Variants in PRKCA observed in about 807,000 individuals in gnomAD.
PRKCA encodes protein kinase C alpha type.
PRKCA carries 27 observed loss-of-function variants against 87.0 expected under a neutral mutation model. The ratio of observed to expected loss-of-function variants is 0.31; its 90% CI spans 0.23 to 0.43. The LOEUF is 0.43. PRKCA is among the 20% of genes least tolerant of loss of function. The probability of loss-of-function intolerance (pLI) is 1.00; values close to 1 mark genes in which losing one functional copy is unlikely to be tolerated. For missense variants in PRKCA, 518 were observed against 852.3 expected (o/e 0.61, Z 4.88); for synonymous variants, 329 against 311.1 (o/e 1.06, Z -0.61).
rs781227674 is a variant in PRKCA, at chr17:66,564,012, TTC to T, written c.288+67739_288+67740del. ...CTTCCTTCCTTCCTTCCTCCTTTCT[TTC>T]TCTCTCTCTTTCTTTCTTCCTCTCT... is the stretch of plus-strand genomic sequence containing the variant. On this transcript the variant is annotated intron_variant, in intron 3 of 16. Transcript: ENST00000413366. Among the ~76,000 whole-genome samples the T allele has an allele frequency of 3.9e-4, 58 of 146,878 alleles. 1 individual carries two copies. In the East Asian group the frequency reaches 5.2e-3, roughly 13 times the overall value.
chr17:66,475,872 T>G (rs1915514394), intron 2 of PRKCA, among the ~76,000 whole-genome samples: 1 of 152,102 alleles, frequency 6.6e-6, no homozygotes, highest in Non-Finnish European at 1.5e-5. Context: ...TTTTAAATAC[T>G]ATTATACCTG....
chr17:66,786,771 T>C, intron 14 of PRKCA, 96 bp from the exon 15 acceptor site: 1 of 899,738 alleles, frequency 1.1e-6, no homozygotes, highest in Non-Finnish European at 1.7e-6. Flanking sequence ...CTGAGAAACC[T>C]GGTCTGTTCC....
chr17:66,335,620 G>A (rs1009998104), intron 2 of PRKCA, among the ~76,000 whole-genome samples: 1 of 151,752 alleles, frequency 6.6e-6, no homozygotes, highest in African/African-American at 2.4e-5. Context: ...GCTTAAAAAT[G>A]GTTAAAATAT....
At chr17:66,503,253 G>A (rs1916826232) in intron 3 of PRKCA, among the ~76,000 whole-genome samples, 1 of 152,110 alleles carries the variant, frequency 6.6e-6, no homozygotes, top group Non-Finnish European at 1.5e-5. Context: ...CTTCTCTGGG[G>A]AGAAACTTTT....
At chr17:66,407,108 G>C (rs931276476) in intron 2 of PRKCA, among the ~76,000 whole-genome samples, 3 of 151,896 alleles carry the variant, frequency 2.0e-5, no homozygotes, top group African/African-American at 7.2e-5. Flanking sequence ...CCTTGTTGAA[G>C]TATGAGTAAA....
intron 3 of PRKCA, among the ~76,000 whole-genome samples, chr17:66,602,838 G>A (rs1004010566): frequency 2.0e-5 from 3 of 152,070 alleles, no homozygotes; most frequent in Non-Finnish European, 4.4e-5. Context: ...TGTGCGCTGT[G>A]GGGGAGCCAT....
intron 13 of PRKCA, among the ~76,000 whole-genome samples, chr17:66,766,996 C>T (rs1381870711): frequency 1.3e-5 from 2 of 152,048 alleles, no homozygotes; most frequent in South Asian, 4.1e-4. Flanking sequence ...TCTTAATCCT[C>T]TGGGCCCTTT....
chr17:66,644,455 A>G (rs1971397855), intron 4 of PRKCA, among the ~76,000 whole-genome samples: 1 of 152,066 alleles, frequency 6.6e-6, no homozygotes, highest in Non-Finnish European at 1.5e-5. Context: ...GAGCTGGAAC[A>G]CCCACACACA....
intron 3 of PRKCA, among the ~76,000 whole-genome samples, chr17:66,515,163 G>A (rs1261972361): frequency 2.0e-5 from 3 of 151,082 alleles, no homozygotes; most frequent in Non-Finnish European, 4.4e-5. Context: ...GGCTGAAGCA[G>A]GAGAATCACT....
intron 2 of PRKCA, among the ~76,000 whole-genome samples, chr17:66,490,065 G>T (rs1054688225): frequency 1.3e-5 from 2 of 152,088 alleles, no homozygotes; most frequent in Non-Finnish European, 2.9e-5. Flanking sequence ...ACAGGTGTGA[G>T]CAACCACACC....
chr17:66,544,999 G>A (rs996499405), intron 3 of PRKCA, among the ~76,000 whole-genome samples: 1 of 152,152 alleles, frequency 6.6e-6, no homozygotes, highest in Non-Finnish European at 1.5e-5. Context: ...GTAACTTACC[G>A]AAAGTTACAT....
chr17:66,804,284 G>T lies in PRKCA; in HGVS notation c.*247G>T, dbSNP rs989733538. On this transcript the variant is annotated 3_prime_UTR_variant, in exon 17 of 17. Coordinates refer to ENST00000413366, the MANE Select transcript of PRKCA (RefSeq NM_002737.3). ...TCCAGTTTAATTCTGTAGAAGTTAC[G>T]TCTGGCTCTAGGTTAACCCTTCCTA... 9.2e-6 allele frequency: 4 copies of T among 434,688 alleles called. No homozygotes were observed. Among genetic ancestry groups the T allele is most frequent in the African/African-American group, 6.0e-5 (3 of 49,712 alleles). 26.9% of individuals were successfully genotyped at this position (434,688 alleles called of 1,614,324 possible). A position where few individuals can be genotyped will look rare whatever the true frequency, so the allele number is the denominator to read the frequency against.
At chr17:66,471,346 C>G (rs1160897547) in intron 2 of PRKCA, among the ~76,000 whole-genome samples, 1 of 152,196 alleles carries the variant, frequency 6.6e-6, no homozygotes, top group African/African-American at 2.4e-5. Flanking sequence ...TCTAAGAGAG[C>G]ATTTATCATT....
chr17:66,454,595 G>A lies in PRKCA; in HGVS notation c.206-41606G>A, dbSNP rs75632731. Among the ~76,000 whole-genome samples the A allele has an allele frequency of 6.9e-3, 1,051 of 152,228 alleles. 14 individuals carry two copies. Among genetic ancestry groups the A allele is most frequent in the African/African-American group, 0.024 (993 of 41,538 alleles). ...TCTGGGGAGGCCTCACAATCATGGC[G>A]GAAGGTGAAAGGCACATCCACATGG... On this transcript the variant is annotated intron_variant, in intron 2 of 16. Transcript: ENST00000413366.
chr17:66,687,371 A>G, intron 6 of PRKCA, 104 bp downstream of exon 6: 2 of 1,306,890 alleles, frequency 1.5e-6, no homozygotes, highest in South Asian at 3.0e-5. Flanking sequence ...GTCTTTAAAC[A>G]TGTCTTCAGT....
At chr17:66,525,849 CT>C (rs1012935968) in intron 3 of PRKCA, among the ~76,000 whole-genome samples, 4 of 151,186 alleles carry the variant, frequency 2.6e-5, no homozygotes, top group Admixed American at 2.0e-4. Context: ...CCAAAAGTCT[CT>C]TTTTTTTTCA....
At chr17:66,527,786 C>T (rs980306686) in intron 3 of PRKCA, among the ~76,000 whole-genome samples, 1 of 152,182 alleles carries the variant, frequency 6.6e-6, no homozygotes, top group Non-Finnish European at 1.5e-5. Context: ...TTTTTCCACC[C>T]CCTTAAAATA....
At chr17:66,576,457 G>A (rs1028122923) in intron 3 of PRKCA, among the ~76,000 whole-genome samples, 3 of 152,182 alleles carry the variant, frequency 2.0e-5, no homozygotes, top group African/African-American at 7.2e-5. Context: ...GATAATTCTG[G>A]ACCAGTCTAT....
In PRKCA at chr17:66,807,937, CA is replaced by C. The variant is rs1342452497; in HGVS notation, c.*3901del. On this transcript the variant is annotated 3_prime_UTR_variant, in exon 17 of 17. Transcript: ENST00000413366. The surrounding 1 kb of genome is among the most constrained non-coding windows in gnomAD (Gnocchi z 4.3). ...AGGGGTGCCACCGTCAACGGCTTCC[CA>C]TCGGAGGTGGTTGGTGCAGATGGAA... is the stretch of plus-strand genomic sequence containing the variant. The C allele has an allele frequency of 6.6e-6, 1 of 152,378 alleles. No homozygotes were observed. The highest frequency in any genetic ancestry group is 6.5e-5 in the Admixed American group (1 of 15,288). The allele number at this position is 152,378 out of a possible 1,614,324, so 9.4% of individuals were successfully genotyped here.
Sources: gnomAD v4.1 joint callset for allele counts (sites outside exome capture counted in the v4.1 genomes callset) on GRCh38, gnomAD v4.1.1 for gene constraint, Gnocchi (gnomAD v3.1) non-coding constraint, MANE v1.5 for transcripts, NCBI Gene and HGNC (gene_info 2026-07-23, HGNC 2026-07-21) for gene names.